The following GAN variants were observed in gnomAD, a reference collection of about 807,000 sequenced individuals.
GAN encodes epididymis secretory sperm binding protein.
A neutral mutation model predicts 71.3 loss-of-function variants in GAN; 48 were observed. The observed-to-expected ratio is 0.67, with a 90% CI of 0.53 to 0.86. The LOEUF (loss-of-function observed/expected upper bound fraction) is 0.86. Ranked by LOEUF, GAN falls within the 40% of genes least tolerant of loss-of-function variation. The pLI is 0.00. For synonymous variants in GAN, 386 were observed against 276.8 expected (o/e 1.39, Z -3.92); for missense variants, 928 against 770.1 (o/e 1.21, Z -2.43).
At chr16:81,354,814 T>C (rs3803653) in intron 3 of GAN, 59 bp downstream of exon 3, 17,311 of 973,294 alleles carry the variant, frequency 0.018, 407 homozygotes, top group East Asian at 0.095. Context: ...AATTCAAATT[T>C]TAGTTGTTTT....
Position 81,380,130 on chromosome 16 carries a change from T to C in GAN, c.*2534T>C, listed in dbSNP as rs1009095077. 6.6e-6 allele frequency: 1 copy of C among 152,642 alleles called. No individual in the cohort carries two copies. Among genetic ancestry groups the C allele is most frequent in the Non-Finnish European group, 1.5e-5 (1 of 68,026 alleles). 9.5% of individuals were successfully genotyped at this position (152,642 alleles called of 1,614,324 possible). ...TGCTCCAACATTAATCATGACTCTT[T>C]TGTAAATTACAGTTATTTCAGTATT... On this transcript the variant is annotated 3_prime_UTR_variant, in exon 11 of 11. Coordinates refer to ENST00000648994, the MANE Select transcript of GAN (RefSeq NM_022041.4).
In GAN at chr16:81,376,503, G is replaced by A. The variant is rs990510466; in HGVS notation, c.1503-716G>A. Reference sequence around the variant, plus strand: ...TGTGTGTGTGTGTGTGTGTGTGTGTGTGTGTGTATGTGTGTGTGTATACAT... The same window carrying A: ...TGTGTGTGTGTGTGTGTGTGTGTGTATGTGTGTATGTGTGTGTGTATACAT... On this transcript the variant is annotated intron_variant, in intron 9 of 10. Transcript: ENST00000648994. Among the ~76,000 whole-genome samples the A allele has an allele frequency of 2.7e-4, 38 of 139,064 alleles. 1 individual carries two copies. The highest frequency in any genetic ancestry group is 1.0e-3 in the African/African-American group (34 of 33,350). 91.2% of individuals were successfully genotyped at this position (139,064 alleles called of 152,430 possible). A position where few individuals can be genotyped will look rare whatever the true frequency, so the allele number is the denominator to read the frequency against.
intron 3 of GAN, 39 bp downstream of exon 3, chr16:81,354,794 A>G (rs1159025215): frequency 1.7e-6 from 2 of 1,177,646 alleles, no homozygotes; most frequent in Non-Finnish European, 2.5e-6. Flanking sequence ...TTGCCTTTTT[A>G]TTTCTTTTTA....
In GAN at chr16:81,390,780, A is replaced by G. The variant is rs1187334445; in HGVS notation, c.*13184A>G. ...GAATCATCTTTAAGCTGTTTAATTA[A>G]CCTAATAAAATAATTTGATGGGGAA... On this transcript the variant is annotated 3_prime_UTR_variant, in exon 11 of 11. Transcript: ENST00000648994. 4 of 152,212 alleles carry G rather than the reference A, an allele frequency of 2.6e-5. No homozygotes were observed. The highest frequency in any genetic ancestry group is 5.9e-5 in the Non-Finnish European group (4 of 68,028). The allele number at this position is 152,212 out of a possible 1,614,324, so 9.4% of individuals were successfully genotyped here.
At position 81,328,650 on chromosome 16, in the gene GAN, T is replaced by TTA. The variant is rs67934332; in HGVS notation, c.167+13371_167+13372insAT. ...AAAGACCCTACCAGTGTGTATCTTA[T>TTA]TTTTTTTTTTTTAGATCTATCACCA... On this transcript the variant is annotated intron_variant, in intron 1 of 10. Coordinates refer to ENST00000648994, the MANE Select transcript of GAN (RefSeq NM_022041.4). 0.026 allele frequency among the ~76,000 whole-genome samples: 16 copies of TTA among 610 alleles called. No individual in the cohort carries two copies. The South Asian group carries it at 0.34, about 13-fold the overall frequency. The allele number at this position is 610 out of a possible 152,430, so 0.4% of individuals were successfully genotyped here. A position where few individuals can be genotyped will look rare whatever the true frequency, so the allele number is the denominator to read the frequency against.
At chr16:81,370,670 G>C (rs1326439046) in intron 9 of GAN, among the ~76,000 whole-genome samples, 1 of 152,380 alleles carries the variant, frequency 6.6e-6, no homozygotes. Flanking sequence ...CACAGGAGGA[G>C]TGAGAGGAAG....
chr16:81,352,946 G>A (rs1034224053), intron 2 of GAN, among the ~76,000 whole-genome samples: 6 of 152,200 alleles, frequency 3.9e-5, no homozygotes, highest in African/African-American at 1.4e-4. Context: ...TTTGAAAGTT[G>A]AAACATTATT....
chr16:81,347,141 C>T (rs1392327705), intron 1 of GAN, among the ~76,000 whole-genome samples: 5 of 152,144 alleles, frequency 3.3e-5, no homozygotes, highest in South Asian at 2.1e-4. Flanking sequence ...TCTCTCTTGA[C>T]GGAGAATTGA....
rs142328181 is a variant in GAN, at chr16:81,335,834, G to A, written c.168-15749G>A. Among the ~76,000 whole-genome samples, 551 of 151,752 alleles carry A rather than the reference G, an allele frequency of 3.6e-3. 1 individual carries two copies. Among genetic ancestry groups the A allele is most frequent in the African/African-American group, 0.012 (509 of 41,378 alleles). On this transcript the variant is annotated intron_variant, in intron 1 of 10. Transcript: ENST00000648994. ...AAAGTTTTTTTGGTGAGTAAAAACC[G>A]TAATCTAGGTAAAAAGAATTGGTGG... is the stretch of plus-strand genomic sequence containing the variant.
chr16:81,348,508 T>C (rs539173739), intron 1 of GAN, among the ~76,000 whole-genome samples: 1 of 152,330 alleles, frequency 6.6e-6, no homozygotes, highest in South Asian at 2.1e-4. Context: ...TCTTAACCAA[T>C]GTGCCAAAAA....
At position 81,380,467 on chromosome 16, in the gene GAN, T is replaced by C. The variant is rs1423929912; in HGVS notation, c.*2871T>C. On this transcript the variant is annotated 3_prime_UTR_variant, in exon 11 of 11. Coordinates refer to ENST00000648994, the MANE Select transcript of GAN (RefSeq NM_022041.4). ...GTTTAGCATATCCAAATTTAGATTT[T>C]TCAAAGATTTAAGTGTTTATTGAAA... 1 of 152,414 alleles carries C rather than the reference T, an allele frequency of 6.6e-6. No homozygotes were observed. The highest frequency in any genetic ancestry group is 2.4e-5 in the African/African-American group (1 of 41,474). 9.4% of individuals were successfully genotyped at this position (152,414 alleles called of 1,614,324 possible).
chr16:81,348,225 A>T (rs931275660), intron 1 of GAN, among the ~76,000 whole-genome samples: 14 of 150,958 alleles, frequency 9.3e-5, no homozygotes, highest in East Asian at 5.8e-4. Context: ...ATTTAAAAAA[A>T]TTTTTTTTTC....
Position 81,362,508 on chromosome 16 carries a change from T to C in GAN, c.983T>C (p.Leu328Ser). The change falls in exon 6 of 11, where the codon TTG (leucine) becomes TCG (serine). Residue 328 changes from leucine to serine, a missense_variant. Physicochemically the swap from Leu to Ser is moderately radical, Grantham distance 145. Transcript: ENST00000648994. ...NHGVLSAEGF[L>S]FVFGGQDENK... The stretch of plus-strand genomic sequence containing the variant: ...CCTTTGATCTTTGCAGAAGGATTTT[T>C]GTTTGTATTCGGGGGCCAAGATGAA... 6.3e-7 allele frequency: 1 copy of C among 1,585,898 alleles called. No individual in the cohort carries two copies. Among genetic ancestry groups the C allele is most frequent in the Non-Finnish European group, 8.7e-7 (1 of 1,154,260 alleles).
chr16:81,333,948 C>G (rs1173310798), intron 1 of GAN, among the ~76,000 whole-genome samples: 1 of 152,224 alleles, frequency 6.6e-6, no homozygotes. Flanking sequence ...CCCCCAAACA[C>G]ATGCACACTC....
intron 1 of GAN, among the ~76,000 whole-genome samples, chr16:81,329,679 A>T (rs1909508233): frequency 1.3e-5 from 2 of 152,110 alleles, no homozygotes; most frequent in South Asian, 2.1e-4. Flanking sequence ...TTTTGTTGAT[A>T]CTTGGTCTCT....
At position 81,386,246 on chromosome 16, in the gene GAN, T is replaced by G. The variant is rs1347523388; in HGVS notation, c.*8650T>G. Reference sequence around the variant, plus strand: ...TTAAAACTCTTTACTAAAGTTGAATTTTCCTTTTTTTTCATTGAAATAGCA... The same window carrying G: ...TTAAAACTCTTTACTAAAGTTGAATGTTCCTTTTTTTTCATTGAAATAGCA... On this transcript the variant is annotated 3_prime_UTR_variant, in exon 11 of 11. Transcript: ENST00000648994. 6.6e-6 allele frequency: 1 copy of G among 152,234 alleles called. No homozygotes were observed. The highest frequency in any genetic ancestry group is 1.5e-5 in the Non-Finnish European group (1 of 68,052). The allele number at this position is 152,234 out of a possible 1,614,324, so 9.4% of individuals were successfully genotyped here. A position where few individuals can be genotyped will look rare whatever the true frequency, so the allele number is the denominator to read the frequency against.
chr16:81,357,068 A>C, intron 4 of GAN, 66 bp downstream of exon 4: 1 of 964,674 alleles, frequency 1.0e-6, no homozygotes. Context: ...TGTAAACAAG[A>C]ATTCATAATG....
rs1904323163 is a variant in GAN at position 81,383,524 on chromosome 16, T to C, written c.*5928T>C. ...CGCCTCAGCCTCCCAAAGTGCTGGA[T>C]TACAGGTGTGAGCCACCTCGCCTGC... is the stretch of plus-strand genomic sequence containing the variant. On this transcript the variant is annotated 3_prime_UTR_variant, in exon 11 of 11. Coordinates refer to ENST00000648994, the MANE Select transcript of GAN (RefSeq NM_022041.4). 1 of 151,762 alleles carries C rather than the reference T, an allele frequency of 6.6e-6. No individual in the cohort carries two copies. The highest frequency in any genetic ancestry group is 2.4e-5 in the African/African-American group (1 of 41,374). The allele number at this position is 151,762 out of a possible 1,614,324, so 9.4% of individuals were successfully genotyped here.
At chr16:81,338,448 T>A (rs776013988) in intron 1 of GAN, among the ~76,000 whole-genome samples, 1 of 152,138 alleles carries the variant, frequency 6.6e-6, no homozygotes, top group Non-Finnish European at 1.5e-5. Context: ...GATTATTCAT[T>A]ACTCATTCAG....
Sources: allele counts gnomAD v4.1 joint callset (sites outside exome capture counted in the v4.1 genomes callset), GRCh38; gene constraint gnomAD v4.1.1; transcripts MANE v1.5; gene names NCBI Gene and HGNC (gene_info 2026-07-23, HGNC 2026-07-21).